The following MRPL19 variants were observed in gnomAD, a reference collection of about 807,000 sequenced individuals.
MRPL19 encodes the protein large ribosomal subunit protein bL19m.
Under a neutral mutation model 34.0 loss-of-function variants are expected in MRPL19, and 31 were observed. That is an observed-to-expected ratio of 0.91 (90% confidence interval 0.68 to 1.23). MRPL19 has a LOEUF of 1.23. Among genes scored for constraint, MRPL19 ranks in the 50% most tolerant of loss-of-function variants. The probability of loss-of-function intolerance (pLI) is 0.00; values close to 1 mark genes in which losing one functional copy is unlikely to be tolerated. For missense variants in MRPL19, 384 were observed against 367.6 expected, an observed-to-expected ratio of 1.04 and a Z score of -0.37; for synonymous variants, 152 against 127.7, an observed-to-expected ratio of 1.19 and a Z score of -1.28.
At chr2:75,654,229 G>A (rs1678389756) in intron 4 of MRPL19, among the ~76,000 whole-genome samples, 1 of 152,112 alleles carries the variant, frequency 6.6e-6, no homozygotes, top group South Asian at 2.1e-4. Context: ...GCCCTCACAT[G>A]GTGAAAGGTG....
At position 75,654,104 on chromosome 2, in the gene MRPL19, G is replaced by C. The variant is rs1161043536; in HGVS notation, c.476-632G>C. Among the ~76,000 whole-genome samples the C allele has an allele frequency of 3.9e-5, 6 of 152,262 alleles. No individual in the cohort carries two copies. In the East Asian group the frequency reaches 1.2e-3, roughly 29 times the overall value. On this transcript the variant is annotated intron_variant, in intron 4 of 5. Coordinates refer to ENST00000393909, the MANE Select transcript of MRPL19 (RefSeq NM_014763.4). ...CAGAAATTTATTTCTCACAGTTCGG[G>C]AGGCTGGGAAATCTAAGTTCAAGGT...
Position 75,657,668 on chromosome 2 carries a change from G to A in MRPL19, c.*2383G>A, listed in dbSNP as rs954917224. ...AACACACTTCAATCTTGGTAGAATG[G>A]TAGATGGGACAGTATATTTTAGGAC... On this transcript the variant is annotated 3_prime_UTR_variant, in exon 6 of 6. Coordinates refer to ENST00000393909, the MANE Select transcript of MRPL19 (RefSeq NM_014763.4). 2.2e-4 allele frequency: 33 copies of A among 152,052 alleles called. No homozygotes were observed. The highest frequency in any genetic ancestry group is 7.5e-4 in the African/African-American group (31 of 41,410). 9.4% of individuals were successfully genotyped at this position (152,052 alleles called of 1,614,324 possible).
chr2:75,653,594 C>T (rs1303835519), intron 4 of MRPL19, among the ~76,000 whole-genome samples: 1 of 152,202 alleles, frequency 6.6e-6, no homozygotes, highest in Admixed American at 6.5e-5. Context: ...CCTGCCTCAA[C>T]CTTCCCCATC....
chr2:75,656,908 C>G lies in MRPL19; in HGVS notation c.*1623C>G, dbSNP rs1234307173. 1 of 152,064 alleles carries G rather than the reference C, an allele frequency of 6.6e-6. No individual in the cohort carries two copies. The highest frequency in any genetic ancestry group is 2.4e-5 in the African/African-American group (1 of 41,404). 9.4% of individuals were successfully genotyped at this position (152,064 alleles called of 1,614,324 possible). ...GCACTGGGTATCTATTTTCTTACCT[C>G]CCTCCCTTGACCCCAGTCTCTGTTT... On this transcript the variant is annotated 3_prime_UTR_variant, in exon 6 of 6. Transcript: ENST00000393909.
rs149241775 is a variant in MRPL19, at chr2:75,653,209, G to A, written c.475+552G>A. On this transcript the variant is annotated intron_variant, in intron 4 of 5. Coordinates refer to ENST00000393909, the MANE Select transcript of MRPL19 (RefSeq NM_014763.4). ...TAATTAAAATGGCAGGAACAATTAC[G>A]TTTATCAAGTTGTGTGCTTCATGAA... Among the ~76,000 whole-genome samples the A allele has an allele frequency of 5.3e-5, 8 of 152,274 alleles. No homozygotes were observed. In the East Asian group the frequency reaches 9.6e-4, roughly 18 times the overall value.
chr2:75,655,284 G>A lies in MRPL19; in HGVS notation c.878G>A (p.Ter293=). Residue 293 remains the stop codon, a stop_retained_variant, in exon 6 of 6, where the codon TGA becomes TAA. Coordinates refer to ENST00000393909, the MANE Select transcript of MRPL19 (RefSeq NM_014763.4). ...GAAATTGAAGCGTCGAAAAGGTCTT[G>A]ATTCTGAGAATGAATTTGGTTAGTT... is the stretch of plus-strand genomic sequence containing the variant. ...WKEIEASKRS[*] is the part of the protein sequence containing the mutation. The A allele has an allele frequency of 6.2e-7, 1 of 1,608,470 alleles. No individual in the cohort carries two copies. Among genetic ancestry groups the A allele is most frequent in the Non-Finnish European group, 8.5e-7 (1 of 1,176,420 alleles).
At chr2:75,654,533 ACTTT>A (rs1353437020) in intron 4 of MRPL19, among the ~76,000 whole-genome samples, 199 bp from the exon 5 acceptor site, 8 of 151,206 alleles carry the variant, frequency 5.3e-5, no homozygotes, top group African/African-American at 1.5e-4. Context: ...TCCAATTCAG[ACTTT>A]CTAACTTTAT....
intron 2 of MRPL19, among the ~76,000 whole-genome samples, chr2:75,649,961 A>G (rs1678298600): frequency 6.6e-6 from 1 of 152,204 alleles, no homozygotes; most frequent in Non-Finnish European, 1.5e-5. Context: ...GAAAAAAATG[A>G]TATGTGTATA....
chr2:75,651,202 G>T (rs1000581115), intron 2 of MRPL19: 4 of 386,184 alleles, frequency 1.0e-5, no homozygotes, highest in South Asian at 2.0e-5. Flanking sequence ...TCTTCAGTTC[G>T]ATCTGTTAAT....
In MRPL19 at chr2:75,654,783, C is replaced by G. The variant is rs751601581; in HGVS notation, c.523C>G (p.Gln175Glu). The G allele has an allele frequency of 1.9e-5, 30 of 1,613,798 alleles. No homozygotes were observed. Among genetic ancestry groups the G allele is most frequent in the East Asian group, 2.2e-5 (1 of 44,852 alleles). Reference sequence around the variant, plus strand: ...TTATAATCCTCGGGTCCAGGAGATTCAGGTGGTCAAATTAGAGAAACGGCT... The same window carrying G: ...TTATAATCCTCGGGTCCAGGAGATTGAGGTGGTCAAATTAGAGAAACGGCT... ...ELYNPRVQEI[Q>E]VVKLEKRLDD... Residue 175 changes from glutamine to glutamate, a missense_variant, in exon 5 of 6, where the codon CAG (glutamine) becomes GAG (glutamate). By Grantham distance (29) the Gln-to-Glu change is conservative (BLOSUM62 2). Coordinates refer to ENST00000393909, the MANE Select transcript of MRPL19 (RefSeq NM_014763.4).
rs1678241749 is a variant in MRPL19, at chr2:75,647,168, CG to C, written c.171del (p.Pro58ArgfsTer19). 1.3e-5 allele frequency: 21 copies of C among 1,579,022 alleles called. No homozygotes were observed. Among genetic ancestry groups the C allele is most frequent in the Non-Finnish European group, 1.8e-5 (21 of 1,161,950 alleles). On this transcript the variant is annotated frameshift_variant, in exon 2 of 6. Coordinates refer to ENST00000393909, the MANE Select transcript of MRPL19 (RefSeq NM_014763.4). LOFTEE classifies it high-confidence loss of function. ...TCCGAGCCCGGTGCGTTCCAACCGC[CG>C]CCGAAACCGGTCATCGTGGACAAGC... ...GPSEPGAFQP[P>X]PKPVIVDKHR... is the part of the protein sequence containing the mutation.
At chr2:75,650,102 C>A (rs1290809619) in intron 2 of MRPL19, among the ~76,000 whole-genome samples, 1 of 152,060 alleles carries the variant, frequency 6.6e-6, no homozygotes, top group Admixed American at 6.5e-5. Context: ...GAAAGAAATT[C>A]ATGGGAATAA....
Position 75,647,096 on chromosome 2 carries a change from C to A in MRPL19, c.104-6C>A. The A allele has an allele frequency of 6.3e-7, 1 of 1,580,078 alleles. No homozygotes were observed. The highest frequency in any genetic ancestry group is 1.8e-5 in the Admixed American group (1 of 55,936). On this transcript the variant is annotated splice_region_variant and splice_polypyrimidine_tract_variant and intron_variant, in intron 1 of 5. Transcript: ENST00000393909. The stretch of plus-strand genomic sequence containing the variant: ...GAGTTCTGACCTCCGTCGTCCGCTC[C>A]CGCAGGGGTCCACGCGGGGCCTGTC...
Position 75,660,010 on chromosome 2 carries a change from T to C in MRPL19, c.*4725T>C, listed in dbSNP as rs974494889. On this transcript the variant is annotated 3_prime_UTR_variant, in exon 6 of 6. Transcript: ENST00000393909. ...ATTCTTAATGTATATGTTGGTCTGTTTGATGCTGTCTCACCAGTTTCTTAG... is the reference window on the plus strand; with the variant it reads ...ATTCTTAATGTATATGTTGGTCTGTCTGATGCTGTCTCACCAGTTTCTTAG... Among the ~76,000 whole-genome samples, 1 of 152,180 alleles carries C rather than the reference T, an allele frequency of 6.6e-6. No homozygotes were observed. Among genetic ancestry groups the C allele is most frequent in the East Asian group, 1.9e-4 (1 of 5,208 alleles).
At chr2:75,650,957 A>G (rs1314693911) in intron 2 of MRPL19, among the ~76,000 whole-genome samples, 1 of 152,178 alleles carries the variant, frequency 6.6e-6, no homozygotes, top group Non-Finnish European at 1.5e-5. Flanking sequence ...GCTGCAGTAC[A>G]GAAGGCTCAG....
At chr2:75,651,447 A>C (rs563089351) in intron 2 of MRPL19, 1 of 536,266 alleles carries the variant, frequency 1.9e-6, no homozygotes, top group East Asian at 5.4e-5. Flanking sequence ...TCATCATTGC[A>C]ATGATTCCAT....
Position 75,647,106 on chromosome 2 carries a change from C to A in MRPL19, c.108C>A (p.Val36=). The A allele has an allele frequency of 1.3e-6, 2 of 1,584,120 alleles. No homozygotes were observed. Among genetic ancestry groups the A allele is most frequent in the Non-Finnish European group, 1.7e-6 (2 of 1,164,528 alleles). ...CTCCGTCGTCCGCTCCCGCAGGGGT[C>A]CACGCGGGGCCTGTCCGGCAGCAGA... The part of the protein sequence containing the change: ...LPPPASIACR[V]HAGPVRQQST... The change falls in exon 2 of 6, where the codon GTC becomes GTA. Residue 36 remains valine, a synonymous_variant. Coordinates refer to ENST00000393909, the MANE Select transcript of MRPL19 (RefSeq NM_014763.4).
intron 2 of MRPL19, among the ~76,000 whole-genome samples, chr2:75,649,053 C>T (rs866099495): frequency 2.0e-5 from 3 of 152,290 alleles, no homozygotes; most frequent in Middle Eastern, 3.4e-3. Context: ...AAGTTGTTCA[C>T]ATCATCTCCC....
Position 75,659,664 on chromosome 2 carries a change from A to G in MRPL19, c.*4379A>G, listed in dbSNP as rs957925285. Among the ~76,000 whole-genome samples the G allele has an allele frequency of 2.6e-5, 4 of 151,970 alleles. No individual in the cohort carries two copies. The highest frequency in any genetic ancestry group is 1.3e-4 in the Admixed American group (2 of 15,250). On this transcript the variant is annotated 3_prime_UTR_variant, in exon 6 of 6. Transcript: ENST00000393909. ...AGATACATGAATTTTTGGTAACAGT[A>G]TTTTTCTTTCAGCACTTTAAATATG...
Sources: allele counts gnomAD v4.1 joint callset (sites outside exome capture counted in the v4.1 genomes callset), GRCh38; gene constraint gnomAD v4.1.1; transcripts MANE v1.5; gene names NCBI Gene and HGNC (gene_info 2026-07-23, HGNC 2026-07-21).